TPST2: variants seen among roughly 807,000 people sequenced by gnomAD.
The protein encoded by TPST2 is tyrosylprotein sulfotransferase 2, also known as protein-tyrosine sulfotransferase 2.
Under a neutral mutation model 27.8 loss-of-function variants are expected in TPST2, and 16 were observed. The observed-to-expected ratio is 0.58, with a 90% confidence interval of 0.39 to 0.88. The LOEUF (loss-of-function observed/expected upper bound fraction) is 0.88. Ranked by LOEUF, TPST2 falls within the 40% of genes least tolerant of loss-of-function variation. The probability of loss-of-function intolerance (pLI) is 0.00; values close to 1 mark genes in which losing one functional copy is unlikely to be tolerated. For missense variants in TPST2, 464 were observed against 543.1 expected, an observed-to-expected ratio of 0.85 and a Z score of 1.45; for synonymous variants, 229 against 231.7, an observed-to-expected ratio of 0.99 and a Z score of 0.10.
At chr22:26,568,613 C>T (rs1927469120) in intron 1 of TPST2, among the ~76,000 whole-genome samples, 1 of 152,204 alleles carries the variant, frequency 6.6e-6, no homozygotes, top group South Asian at 2.1e-4. Flanking sequence ...GACACTCCCA[C>T]CACCAGCGCC....
chr22:26,549,854 C>T (rs1926363779), intron 1 of TPST2, among the ~76,000 whole-genome samples: 2 of 139,370 alleles, frequency 1.4e-5, no homozygotes, highest in Non-Finnish European at 1.5e-5. Flanking sequence ...CACGGTGAAA[C>T]CCCCCTCTCT....
At chr22:26,529,108 A>G (rs1242823058) in intron 5 of TPST2, among the ~76,000 whole-genome samples, 1 of 151,898 alleles carries the variant, frequency 6.6e-6, no homozygotes, top group Non-Finnish European at 1.5e-5. Flanking sequence ...AGACCAAGGC[A>G]TGATTAGAGG....
rs962016946 is a variant in TPST2 at position 26,523,341 on chromosome 22, T to C, written c.*2934A>G. The C allele has an allele frequency of 5.9e-5, 9 of 152,150 alleles. No individual in the cohort carries two copies. Among genetic ancestry groups the C allele is most frequent in the Non-Finnish European group, 8.8e-5 (6 of 68,034 alleles). The allele number at this position is 152,150 out of a possible 1,614,324, so 9.4% of individuals were successfully genotyped here. A position where few individuals can be genotyped will look rare whatever the true frequency, so the allele number is the denominator to read the frequency against. On this transcript the variant is annotated 3_prime_UTR_variant, in exon 7 of 7. Coordinates refer to ENST00000338754, the MANE Select transcript of TPST2 (RefSeq NM_003595.5). Reference sequence around the variant, plus strand: ...TGGAAGACTATGTACAAACAGAAAATGGTAGCATTACCTTTAGGAGCTATT... The same window carrying C: ...TGGAAGACTATGTACAAACAGAAAACGGTAGCATTACCTTTAGGAGCTATT...
intron 3 of TPST2, among the ~76,000 whole-genome samples, chr22:26,538,911 A>T (rs1433664492): frequency 6.6e-6 from 1 of 151,266 alleles, no homozygotes; most frequent in African/African-American, 2.4e-5. Flanking sequence ...AAAAGGCTAC[A>T]GAGGAGTATG....
intron 3 of TPST2, among the ~76,000 whole-genome samples, chr22:26,540,180 C>T (rs5997101): frequency 0.052 from 7,843 of 152,256 alleles, 662 homozygotes; most frequent in African/African-American, 0.18. Flanking sequence ...GGGGTTGAGT[C>T]GCTTTGCCCA....
chr22:26,529,001 C>CAA (rs148806627), intron 5 of TPST2, among the ~76,000 whole-genome samples: 30,828 of 147,032 alleles, frequency 0.21, 3,694 homozygotes, highest in South Asian at 0.4. Context: ...AAAACAAAAA[C>CAA]AAAAAAAAAA....
At chr22:26,554,498 G>T (rs1479398087) in intron 1 of TPST2, among the ~76,000 whole-genome samples, 1 of 152,200 alleles carries the variant, frequency 6.6e-6, no homozygotes, top group African/African-American at 2.4e-5. Context: ...AGAGGTAGGG[G>T]ACTGAGCATA....
Position 26,570,029 on chromosome 22 carries a change from A to G in TPST2, c.-161+20024T>C, listed in dbSNP as rs974007807. ...AAAGAAAGAAAGAAAGAAAGAAAGA[A>G]AGAAAGAAAGAAAGACAGAAAGAAA... is the stretch of plus-strand genomic sequence containing the variant. On this transcript the variant is annotated intron_variant, in intron 1 of 6. Transcript: ENST00000338754. Among the ~76,000 whole-genome samples the G allele has an allele frequency of 2.2e-3, 284 of 126,822 alleles. 8 individuals carry two copies. Among genetic ancestry groups the G allele is most frequent in the African/African-American group, 9.5e-3 (272 of 28,710 alleles). The allele number at this position is 126,822 out of a possible 152,430, so 83.2% of individuals were successfully genotyped here.
In TPST2 at chr22:26,577,351, C is replaced by T. The variant is rs1602302702; in HGVS notation, c.-161+12702G>A. Among the ~76,000 whole-genome samples, 2 of 143,746 alleles carry T rather than the reference C, an allele frequency of 1.4e-5. 1 individual carries two copies. The highest frequency in any genetic ancestry group is 4.4e-4 in the South Asian group (2 of 4,572). 94.3% of individuals were successfully genotyped at this position (143,746 alleles called of 152,430 possible). A position where few individuals can be genotyped will look rare whatever the true frequency, so the allele number is the denominator to read the frequency against. On this transcript the variant is annotated intron_variant, in intron 1 of 6. Transcript: ENST00000338754. ...TCTACACACTTTACAAATATTTGCT[C>T]TTTTTTTTTTTGAGACAAGGTCTCG...
intron 1 of TPST2, among the ~76,000 whole-genome samples, chr22:26,555,972 C>A (rs893671440): frequency 2.0e-5 from 3 of 152,184 alleles, no homozygotes; most frequent in African/African-American, 7.2e-5. Flanking sequence ...GTTCTTCCAC[C>A]ATTTTGTGCC....
chr22:26,579,516 T>A (rs896242014), intron 1 of TPST2, among the ~76,000 whole-genome samples: 4 of 152,180 alleles, frequency 2.6e-5, no homozygotes, highest in African/African-American at 9.6e-5. Context: ...GGTGCCTGAC[T>A]CCACAGGGCC....
Position 26,523,493 on chromosome 22 carries a change from G to A in TPST2, c.*2782C>T, listed in dbSNP as rs1924663574. 6.6e-6 allele frequency: 1 copy of A among 152,192 alleles called. No homozygotes were observed. Among genetic ancestry groups the A allele is most frequent in the Non-Finnish European group, 1.5e-5 (1 of 68,048 alleles). The allele number at this position is 152,192 out of a possible 1,614,324, so 9.4% of individuals were successfully genotyped here. A position where few individuals can be genotyped will look rare whatever the true frequency, so the allele number is the denominator to read the frequency against. On this transcript the variant is annotated 3_prime_UTR_variant, in exon 7 of 7. Coordinates refer to ENST00000338754, the MANE Select transcript of TPST2 (RefSeq NM_003595.5). ...GATCAAATCAGGGGAGATGAAATGAGAGTGGATTCTGAGCCTAGTTTTTTT... is the reference window on the plus strand; with the variant it reads ...GATCAAATCAGGGGAGATGAAATGAAAGTGGATTCTGAGCCTAGTTTTTTT...
At chr22:26,553,727 T>C (rs935651125) in intron 1 of TPST2, among the ~76,000 whole-genome samples, 2 of 152,078 alleles carry the variant, frequency 1.3e-5, no homozygotes, top group East Asian at 1.9e-4. Context: ...CGAATACCAG[T>C]ATACATCAAG....
intron 1 of TPST2, among the ~76,000 whole-genome samples, chr22:26,558,732 G>T (rs1394594633): frequency 2.0e-5 from 3 of 152,200 alleles, no homozygotes; most frequent in African/African-American, 7.2e-5. Flanking sequence ...CAGGAACAGG[G>T]TGAGGCAAGC....
intron 5 of TPST2, among the ~76,000 whole-genome samples, chr22:26,531,173 C>A (rs1925140206): frequency 6.6e-6 from 1 of 152,136 alleles, no homozygotes; most frequent in Non-Finnish European, 1.5e-5. Context: ...GGCTGCCCTG[C>A]AGATAAGTTT....
At position 26,561,895 on chromosome 22, in the gene TPST2, T is replaced by C. The variant is rs185278575; in HGVS notation, c.-160-17220A>G. Among the ~76,000 whole-genome samples the C allele has an allele frequency of 2.0e-4, 30 of 152,276 alleles. 1 individual carries two copies. The highest frequency in any genetic ancestry group is 1.5e-3 in the East Asian group (8 of 5,170). Reference sequence around the variant, plus strand: ...GTCCAGTACCCACCTACAGGGAACATCTTTGCCAAGGTCCTTCCTCGCAGG... The same window carrying C: ...GTCCAGTACCCACCTACAGGGAACACCTTTGCCAAGGTCCTTCCTCGCAGG... On this transcript the variant is annotated intron_variant, in intron 1 of 6. Transcript: ENST00000338754.
intron 1 of TPST2, among the ~76,000 whole-genome samples, chr22:26,570,058 A>T (rs866516282): frequency 7.1e-6 from 1 of 141,150 alleles, no homozygotes; most frequent in Non-Finnish European, 1.6e-5. Context: ...AAAGAAAGAA[A>T]GAAAGAAGGA....
At chr22:26,570,478 A>G (rs922760677) in intron 1 of TPST2, among the ~76,000 whole-genome samples, 1 of 152,124 alleles carries the variant, frequency 6.6e-6, no homozygotes, top group Non-Finnish European at 1.5e-5. Flanking sequence ...AAACGTTTAC[A>G]GGGTTTTTCC....
intron 1 of TPST2, among the ~76,000 whole-genome samples, chr22:26,558,054 T>C (rs1271625134): frequency 1.4e-5 from 2 of 146,370 alleles, no homozygotes; most frequent in Admixed American, 1.4e-4. Context: ...CTCAAAAAAA[T>C]ATATATTTTA....
Sources: allele counts gnomAD v4.1 joint callset (sites outside exome capture counted in the v4.1 genomes callset), GRCh38; gene constraint gnomAD v4.1.1; transcripts MANE v1.5; gene names NCBI Gene and HGNC (gene_info 2026-07-23, HGNC 2026-07-21).